The following NFIA variants were observed in gnomAD, a reference collection of about 807,000 sequenced individuals.
NFIA encodes the protein nuclear factor 1 A-type.
In NFIA, 8 loss-of-function variants were observed where a neutral mutation model predicts 62.8. The observed-to-expected ratio is 0.13, with a 90% CI of 0.07 to 0.23. NFIA has a LOEUF of 0.23. NFIA is among the 10% of genes least tolerant of loss of function. The pLI, the probability that NFIA is intolerant of heterozygous loss-of-function variation, is 1.00. For synonymous variants in NFIA, 235 were observed against 238.1 expected (o/e 0.99, Z 0.12); for missense variants, 410 against 642.1 (o/e 0.64, Z 3.91).
intron 3 of NFIA, among the ~76,000 whole-genome samples, chr1:61,320,173 A>G (rs929514270): frequency 6.6e-6 from 1 of 152,104 alleles, no homozygotes; most frequent in Non-Finnish European, 1.5e-5. Flanking sequence ...TAAAGTCTTA[A>G]AAGTGTTCCT....
Position 61,088,826 on chromosome 1 carries a change from G to A in NFIA, c.559+146G>A. 1 of 903,346 alleles carries A rather than the reference G, an allele frequency of 1.1e-6. No homozygotes were observed. Among genetic ancestry groups the A allele is most frequent in the South Asian group, 1.9e-5 (1 of 53,894 alleles). The allele number at this position is 903,346 out of a possible 1,614,324, so 56.0% of individuals were successfully genotyped here. On this transcript the variant is annotated intron_variant, in intron 2 of 10. Transcript: ENST00000403491. The surrounding 1 kb of genome is among the most constrained non-coding windows in gnomAD (Gnocchi z 4.5). The stretch of plus-strand genomic sequence containing the variant: ...TGTGGTTTCAAAGATTGAGAGAGGT[G>A]CCACCTTCATTCAGGTGAAAAAGCA...
chr1:61,077,573 A>G, upstream of NFIA: 4 of 1,337,434 alleles, frequency 3.0e-6, no homozygotes, highest in Non-Finnish European at 3.9e-6. Flanking sequence ...ACAACAAATG[A>G]AGCAATTCGT....
At chr1:61,279,400 TAAA>T (rs199881233) in intron 3 of NFIA, among the ~76,000 whole-genome samples, 1 of 143,478 alleles carries the variant, frequency 7.0e-6, no homozygotes, top group African/African-American at 2.5e-5. Flanking sequence ...AGCAGGCAGT[TAAA>T]AAAAAAAAAA....
rs955134716 is a variant in NFIA, at chr1:61,460,445, C to T, written c.*5125C>T. The stretch of plus-strand genomic sequence containing the variant: ...TATTATAGGCTGACAAAATGATTTA[C>T]ACAAATGTGACAACTTGGGCTCAAT... On this transcript the variant is annotated 3_prime_UTR_variant, in exon 11 of 11. Transcript: ENST00000403491. The T allele has an allele frequency of 2.0e-5, 3 of 152,174 alleles. No individual in the cohort carries two copies. The highest frequency in any genetic ancestry group is 7.2e-5 in the African/African-American group (3 of 41,430). The allele number at this position is 152,174 out of a possible 1,614,324, so 9.4% of individuals were successfully genotyped here.
At chr1:61,166,721 C>CTGGGAGTATA (rs1284953276) in intron 2 of NFIA, among the ~76,000 whole-genome samples, 1 of 152,146 alleles carries the variant, frequency 6.6e-6, no homozygotes, top group Admixed American at 6.5e-5. Flanking sequence ...TGAAAGAAAC[C>CTGGGAGTATA]TGGGAGTATA....
At chr1:61,359,665 CCTT>C (rs1430453995) in intron 6 of NFIA, among the ~76,000 whole-genome samples, 1 of 152,166 alleles carries the variant, frequency 6.6e-6, no homozygotes, top group African/African-American at 2.4e-5. Flanking sequence ...ACTGCAACCT[CCTT>C]CTCCCTGGTT....
At chr1:61,099,876 C>T (rs1646478982) in intron 2 of NFIA, among the ~76,000 whole-genome samples, 1 of 152,104 alleles carries the variant, frequency 6.6e-6, no homozygotes, top group Non-Finnish European at 1.5e-5. Context: ...TTATGGTTCC[C>T]TTTATGCCAG....
chr1:61,180,245 T>C (rs1490846566), intron 2 of NFIA, among the ~76,000 whole-genome samples: 1 of 151,822 alleles, frequency 6.6e-6, no homozygotes, highest in Admixed American at 6.6e-5. Context: ...ACCCCACACC[T>C]CTGACTCATA....
At chr1:61,299,641 A>G (rs1659387743) in intron 3 of NFIA, among the ~76,000 whole-genome samples, 1 of 152,178 alleles carries the variant, frequency 6.6e-6, no homozygotes, top group South Asian at 2.1e-4. Flanking sequence ...TTTCCTCAAG[A>G]TAGACTTGTT....
chr1:61,293,706 CT>C (rs1438943548), intron 3 of NFIA, among the ~76,000 whole-genome samples: 96 of 152,306 alleles, frequency 6.3e-4, no homozygotes, highest in African/African-American at 2.2e-3. Flanking sequence ...TTAAAAAGAA[CT>C]TCATGTAATC....
At chr1:61,283,023 C>G (rs1397178441) in intron 3 of NFIA, among the ~76,000 whole-genome samples, 1 of 152,156 alleles carries the variant, frequency 6.6e-6, no homozygotes, top group Non-Finnish European at 1.5e-5. Context: ...TTGAAAATTT[C>G]CAGCTCTACC....
At chr1:61,395,150 A>G (rs1665200563) in intron 7 of NFIA, among the ~76,000 whole-genome samples, 1 of 152,076 alleles carries the variant, frequency 6.6e-6, no homozygotes, top group Middle Eastern at 3.2e-3. Context: ...TTTAGTAATC[A>G]TGTTGCACAG....
intron 3 of NFIA, among the ~76,000 whole-genome samples, chr1:61,294,521 T>G (rs964845904): frequency 6.6e-6 from 1 of 152,254 alleles, no homozygotes; most frequent in Non-Finnish European, 1.5e-5. Context: ...GTAAAGGTTA[T>G]TGGAAAGTCA....
At position 61,383,336 on chromosome 1, in the gene NFIA, A is replaced by G. The variant is rs1664517011; in HGVS notation, c.1046A>G (p.His349Arg). 3 of 1,613,976 alleles carry G rather than the reference A, an allele frequency of 1.9e-6. No homozygotes were observed. Among genetic ancestry groups the G allele is most frequent in the Non-Finnish European group, 2.5e-6 (3 of 1,179,908 alleles). The change falls in exon 7 of 11, where the codon CAT (histidine) becomes CGT (arginine). Residue 349 changes from histidine to arginine, a missense_variant. Physicochemically the swap from His to Arg is conservative, Grantham distance 29. Coordinates refer to ENST00000403491, the MANE Select transcript of NFIA (RefSeq NM_001134673.4). ...TSSLGTAFTQ[H>R]HRPVITGPRA... Reference sequence around the variant, plus strand: ...TCCCTGGGAACGGCGTTCACACAGCATCACCGACCTGTCATTACAGGACCC... The same window carrying G: ...TCCCTGGGAACGGCGTTCACACAGCGTCACCGACCTGTCATTACAGGACCC...
intron 6 of NFIA, among the ~76,000 whole-genome samples, chr1:61,367,369 T>G (rs896561299): frequency 1.1e-4 from 17 of 152,174 alleles, no homozygotes; most frequent in Admixed American, 2.0e-4. Context: ...AGAAAATGAT[T>G]AAATCTCCCA....
chr1:61,215,592 A>G (rs1190213324), intron 2 of NFIA, among the ~76,000 whole-genome samples: 2 of 152,232 alleles, frequency 1.3e-5, no homozygotes, highest in Non-Finnish European at 2.9e-5. Context: ...AAACTAAAGT[A>G]AATTTCATCA....
At chr1:61,429,044 G>A (rs1666990338) in intron 10 of NFIA, among the ~76,000 whole-genome samples, 1 of 152,052 alleles carries the variant, frequency 6.6e-6, no homozygotes, top group Non-Finnish European at 1.5e-5. Flanking sequence ...AGTGTCCAGT[G>A]GAAATCTCTT....
intron 2 of NFIA, among the ~76,000 whole-genome samples, chr1:61,271,699 C>T (rs1234103837): frequency 6.6e-6 from 1 of 152,166 alleles, no homozygotes; most frequent in Non-Finnish European, 1.5e-5. Context: ...CCTTTTGGAG[C>T]TAGGAGTTCC....
intron 2 of NFIA, among the ~76,000 whole-genome samples, chr1:61,261,684 G>A (rs368107499): frequency 2.5e-4 from 38 of 152,270 alleles, no homozygotes; most frequent in African/African-American, 3.1e-4. Context: ...TTAACTTTAC[G>A]TGGAAATGTT....
Sources: allele counts gnomAD v4.1 joint callset (sites outside exome capture counted in the v4.1 genomes callset), GRCh38; gene constraint gnomAD v4.1.1; non-coding constraint Gnocchi (gnomAD v3.1); transcripts MANE v1.5; gene names NCBI Gene and HGNC (gene_info 2026-07-23, HGNC 2026-07-21).